Variants in PEBP4 observed in about 807,000 individuals in gnomAD.
PEBP4 encodes the protein phosphatidylethanolamine-binding protein 4.
In PEBP4, 22 loss-of-function variants were observed where a neutral mutation model predicts 23.9. The observed-to-expected ratio is 0.92, with a 90% CI of 0.66 to 1.31. The LOEUF is 1.31. Among genes scored for constraint, PEBP4 ranks in the 40% most tolerant of loss-of-function variants. PEBP4 has a pLI of 0.00. For missense variants in PEBP4, 324 were observed against 281.7 expected (o/e 1.15, Z -1.07); for synonymous variants, 112 against 99.3 (o/e 1.13, Z -0.76).
intron 3 of PEBP4, among the ~76,000 whole-genome samples, chr8:22,855,778 C>T (rs1343857090): frequency 2.0e-5 from 3 of 152,032 alleles, no homozygotes; most frequent in African/African-American, 7.2e-5. Flanking sequence ...TGATAGCTCA[C>T]GCCTGTAATC....
upstream of PEBP4, among the ~76,000 whole-genome samples, chr8:22,930,438 C>A (rs1809437378): frequency 6.6e-6 from 1 of 152,078 alleles, no homozygotes; most frequent in Non-Finnish European, 1.5e-5. Flanking sequence ...CCTCATCCCC[C>A]CAGCCTATAA....
chr8:22,728,823 C>A (rs1192199631), intron 4 of PEBP4, among the ~76,000 whole-genome samples: 1 of 152,180 alleles, frequency 6.6e-6, no homozygotes, highest in Non-Finnish European at 1.5e-5. Flanking sequence ...GTTTCGAACT[C>A]CTGACCTCAG....
intron 3 of PEBP4, among the ~76,000 whole-genome samples, chr8:22,840,295 A>G (rs1194052229): frequency 2.0e-5 from 3 of 152,150 alleles, no homozygotes; most frequent in African/African-American, 7.2e-5. Flanking sequence ...TGGGCCTTTA[A>G]CAAAGAATTT....
rs935214689 is a variant in PEBP4, at chr8:22,824,850, A to G, written c.259-7115T>C. Among the ~76,000 whole-genome samples the G allele has an allele frequency of 7.9e-5, 12 of 152,172 alleles. 1 individual carries two copies. The highest frequency in any genetic ancestry group is 1.8e-4 in the Non-Finnish European group (12 of 68,024). On this transcript the variant is annotated intron_variant, in intron 3 of 6. Coordinates refer to ENST00000256404, the MANE Select transcript of PEBP4 (RefSeq NM_144962.3). Reference sequence around the variant, plus strand: ...GGAATGATGGGGAGTGGCTGTAAATATGGATAAAGCTGCACTCACTGGCCC... The same window carrying G: ...GGAATGATGGGGAGTGGCTGTAAATGTGGATAAAGCTGCACTCACTGGCCC...
In PEBP4 at chr8:22,869,203, T is replaced by C. The variant is rs956339877; in HGVS notation, c.258+50981A>G. Among the ~76,000 whole-genome samples the C allele has an allele frequency of 8.1e-4, 124 of 152,354 alleles. 1 individual carries two copies. Among genetic ancestry groups the C allele is most frequent in the African/African-American group, 2.8e-3 (117 of 41,586 alleles). The stretch of plus-strand genomic sequence containing the variant: ...TTTCTCAGTGAAGTCCACTCTGCCA[T>C]CCTATTTATGTTGTAAATGTCCCCT... On this transcript the variant is annotated intron_variant, in intron 3 of 6. Coordinates refer to ENST00000256404, the MANE Select transcript of PEBP4 (RefSeq NM_144962.3).
At chr8:22,727,149 G>C (rs753838989) in intron 5 of PEBP4, 26 bp downstream of exon 5, 2 of 1,613,184 alleles carry the variant, frequency 1.2e-6, no homozygotes, top group South Asian at 1.1e-5. Context: ...CTGGCTGGGG[G>C]AAGGGGTCCC....
At chr8:22,741,292 C>A (rs557840594) in intron 4 of PEBP4, among the ~76,000 whole-genome samples, 1 of 152,314 alleles carries the variant, frequency 6.6e-6, no homozygotes, top group African/African-American at 2.4e-5. Context: ...CGTGTCCCTG[C>A]CTGCCTTCGT....
At chr8:22,714,299 C>A (rs763520785) in intron 6 of PEBP4, among the ~76,000 whole-genome samples, 8 of 152,094 alleles carry the variant, frequency 5.3e-5, no homozygotes, top group Non-Finnish European at 1.0e-4. Context: ...TGGAGTGAGG[C>A]TGAGGGAAGT....
At chr8:22,876,030 CA>C (rs1185236319) in intron 3 of PEBP4, among the ~76,000 whole-genome samples, 1 of 127,196 alleles carries the variant, frequency 7.9e-6, no homozygotes, top group African/African-American at 3.2e-5. Context: ...GCACTTCAGC[CA>C]CTGGAGTAAG....
chr8:22,871,105 G>C (rs1448957233), intron 3 of PEBP4, among the ~76,000 whole-genome samples: 1 of 152,144 alleles, frequency 6.6e-6, no homozygotes, highest in Non-Finnish European at 1.5e-5. Flanking sequence ...CTGAAATGCT[G>C]CTGGGCCCTG....
chr8:22,795,362 A>G (rs996121743), intron 4 of PEBP4, among the ~76,000 whole-genome samples: 1 of 151,308 alleles, frequency 6.6e-6, no homozygotes, highest in Non-Finnish European at 1.5e-5. Flanking sequence ...TTTTTAGTAG[A>G]GACGGGGTTT....
intron 1 of PEBP4, among the ~76,000 whole-genome samples, chr8:22,937,594 T>A (rs1282030239): frequency 6.6e-6 from 1 of 152,060 alleles, no homozygotes; most frequent in Non-Finnish European, 1.5e-5. Flanking sequence ...CTAAAATTTA[T>A]ATATAATCTT....
intron 3 of PEBP4, chr8:22,885,380 G>A (rs1356627848): frequency 6.6e-6 from 1 of 152,226 alleles, no homozygotes; most frequent in Non-Finnish European, 1.5e-5. Context: ...TTCAAGCCCA[G>A]GTCTGGCAGA....
At chr8:22,912,675 G>T (rs1808967200) in intron 3 of PEBP4, among the ~76,000 whole-genome samples, 1 of 152,218 alleles carries the variant, frequency 6.6e-6, no homozygotes, top group South Asian at 2.1e-4. Context: ...CATAGGAAGT[G>T]TCTTTGCAAC....
intron 3 of PEBP4, among the ~76,000 whole-genome samples, chr8:22,844,208 G>A (rs1487360515): frequency 3.9e-5 from 6 of 152,118 alleles, no homozygotes. Context: ...AGGAAATCCT[G>A]GATTGCAAGG....
intron 4 of PEBP4, among the ~76,000 whole-genome samples, chr8:22,733,019 C>T (rs1426721061): frequency 1.3e-5 from 2 of 152,196 alleles, no homozygotes; most frequent in Non-Finnish European, 2.9e-5. Flanking sequence ...GTAAAGAGCA[C>T]GGTGCTGGAA....
chr8:22,719,828 A>G (rs1804485098), intron 6 of PEBP4, among the ~76,000 whole-genome samples: 1 of 152,134 alleles, frequency 6.6e-6, no homozygotes, highest in African/African-American at 2.4e-5. Context: ...AGGCTGGTGG[A>G]GAGGCAGCCC....
At position 22,883,018 on chromosome 8, in the gene PEBP4, C is replaced by T. The variant is rs140619693; in HGVS notation, c.258+37166G>A. Among the ~76,000 whole-genome samples the T allele has an allele frequency of 5.7e-3, 871 of 152,260 alleles. 5 individuals are homozygous for T. Among genetic ancestry groups the T allele is most frequent in the Non-Finnish European group, 0.01 (686 of 68,022 alleles). On this transcript the variant is annotated intron_variant, in intron 3 of 6. Coordinates refer to ENST00000256404, the MANE Select transcript of PEBP4 (RefSeq NM_144962.3). ...CTGGGGTATCCCCCATGTGGCCCTG[C>T]GAGACATACCCCCTGCCTCTAGGGA...
At chr8:22,808,738 T>C (rs1300331509) in intron 4 of PEBP4, among the ~76,000 whole-genome samples, 1 of 152,228 alleles carries the variant, frequency 6.6e-6, no homozygotes, top group African/African-American at 2.4e-5. Flanking sequence ...GACTAAACCA[T>C]TGAGTATTGC....
Sources: gnomAD v4.1 joint callset for allele counts (sites outside exome capture counted in the v4.1 genomes callset) on GRCh38, gnomAD v4.1.1 for gene constraint, MANE v1.5 for transcripts, NCBI Gene and HGNC (gene_info 2026-07-23, HGNC 2026-07-21) for gene names.